The following SAMD3 variants were observed in gnomAD, a reference collection of about 807,000 sequenced individuals.
SAMD3 encodes the protein sterile alpha motif domain-containing protein 3.
Under a neutral mutation model 58.5 loss-of-function variants are expected in SAMD3, and 63 were observed. The ratio of observed to expected loss-of-function variants is 1.08; its 90% CI spans 0.88 to 1.33. SAMD3 has a LOEUF of 1.33. SAMD3 is among the 40% of genes most tolerant of loss of function. The pLI, the probability that SAMD3 is intolerant of heterozygous loss-of-function variation, is 0.00. For synonymous variants in SAMD3, 220 were observed against 210.3 expected, an observed-to-expected ratio of 1.05 and a Z score of -0.40; for missense variants, 604 against 608.4, an observed-to-expected ratio of 0.99 and a Z score of 0.08.
At chr6:130,283,813 T>C (rs766091884) in intron 2 of SAMD3, among the ~76,000 whole-genome samples, 1 of 152,106 alleles carries the variant, frequency 6.6e-6, no homozygotes, top group Non-Finnish European at 1.5e-5. Flanking sequence ...AAGAAACTAG[T>C]AAACATGTGG....
At chr6:130,220,265 G>C (rs1796165051) in intron 1 of SAMD3, among the ~76,000 whole-genome samples, 1 of 152,184 alleles carries the variant, frequency 6.6e-6, no homozygotes, top group African/African-American at 2.4e-5. Flanking sequence ...CCCCCAGAGT[G>C]CTGGGATTAC....
intron 2 of SAMD3, among the ~76,000 whole-genome samples, chr6:130,240,892 A>G (rs1355587790): frequency 6.6e-6 from 1 of 152,160 alleles, no homozygotes; most frequent in Non-Finnish European, 1.5e-5. Flanking sequence ...CGCAGTCTCA[A>G]GTATTCTATT....
chr6:130,163,060 G>A lies in SAMD3; in HGVS notation c.823-8035C>T, dbSNP rs141249295. Among the ~76,000 whole-genome samples the A allele has an allele frequency of 7.4e-3, 1,123 of 152,248 alleles. 19 individuals carry two copies. The highest frequency in any genetic ancestry group is 0.026 in the African/African-American group (1,090 of 41,546). Reference sequence around the variant, plus strand: ...CCCAAGTAGCTGGGACTACAGGCATGTGCCACTGAACCTGGCTTTTCTTTT... The same window carrying A: ...CCCAAGTAGCTGGGACTACAGGCATATGCCACTGAACCTGGCTTTTCTTTT... On this transcript the variant is annotated intron_variant, in intron 8 of 11. Coordinates refer to ENST00000439090, the MANE Select transcript of SAMD3 (RefSeq NM_001017373.4).
chr6:130,294,981 C>T (rs1275234077), intron 2 of SAMD3, among the ~76,000 whole-genome samples: 2 of 130,610 alleles, frequency 1.5e-5, no homozygotes, highest in Admixed American at 8.6e-5. Flanking sequence ...TGGAGTGCAA[C>T]GGCACGATCT....
At chr6:130,303,092 G>A (rs1174990726) in intron 2 of SAMD3, among the ~76,000 whole-genome samples, 1 of 152,102 alleles carries the variant, frequency 6.6e-6, no homozygotes, top group Admixed American at 6.5e-5. Flanking sequence ...ACATATTACT[G>A]TTCCTAGAGG....
At chr6:130,286,091 G>A (rs1775143356) in intron 2 of SAMD3, 1 of 152,158 alleles carries the variant, frequency 6.6e-6, no homozygotes, top group Admixed American at 6.5e-5. Flanking sequence ...GAAGAAATAG[G>A]TTTATGAACT....
At chr6:130,196,146 G>A (rs549783385) in intron 5 of SAMD3, among the ~76,000 whole-genome samples, 1 of 152,216 alleles carries the variant, frequency 6.6e-6, no homozygotes, top group Non-Finnish European at 1.5e-5. Flanking sequence ...TGACCTTACT[G>A]TTTTAGGCTG....
intron 8 of SAMD3, 101 bp from the exon 9 acceptor site, chr6:130,155,126 T>A: frequency 2.5e-6 from 2 of 799,488 alleles, no homozygotes; most frequent in East Asian, 2.5e-5. Context: ...AAGGTGAGTA[T>A]CACCATACCT....
chr6:130,327,041 T>G (rs1562524360), intron 1 of SAMD3, among the ~76,000 whole-genome samples: 1 of 152,238 alleles, frequency 6.6e-6, no homozygotes, highest in African/African-American at 2.4e-5. Context: ...CAGGAAAGCA[T>G]TTGTTTTAGC....
intron 5 of SAMD3, among the ~76,000 whole-genome samples, chr6:130,189,150 A>G (rs72618514): frequency 0.046 from 6,975 of 151,574 alleles, 195 homozygotes; most frequent in South Asian, 0.091. Flanking sequence ...CTCATTTTCT[A>G]GGAACTGAAT....
intron 2 of SAMD3, among the ~76,000 whole-genome samples, chr6:130,234,580 T>A (rs1376001430): frequency 6.6e-6 from 1 of 152,158 alleles, no homozygotes; most frequent in Non-Finnish European, 1.5e-5. Context: ...TCCCAGAAGT[T>A]ACATGTCCTG....
chr6:130,186,825 C>T (rs980950502), intron 5 of SAMD3, among the ~76,000 whole-genome samples: 4 of 132,324 alleles, frequency 3.0e-5, no homozygotes, highest in African/African-American at 1.2e-4. Context: ...GGCTGGAGTG[C>T]AGTGGTGCAA....
chr6:130,237,705 A>T (rs746020449), intron 2 of SAMD3, among the ~76,000 whole-genome samples: 6 of 152,182 alleles, frequency 3.9e-5, no homozygotes, highest in Non-Finnish European at 7.4e-5. Context: ...GGAGGTGAAT[A>T]CATTACCAAC....
intron 5 of SAMD3, among the ~76,000 whole-genome samples, chr6:130,205,208 T>C (rs1025528835): frequency 2.6e-5 from 4 of 151,434 alleles, no homozygotes; most frequent in South Asian, 2.1e-4. Context: ...TCTAAAAAAA[T>C]TGATGTTATT....
intron 2 of SAMD3, among the ~76,000 whole-genome samples, chr6:130,265,532 A>G (rs2114928805): frequency 6.6e-6 from 1 of 152,308 alleles, no homozygotes; most frequent in Non-Finnish European, 1.5e-5. Flanking sequence ...TCACTGAGGT[A>G]GGACAAAAAG....
At chr6:130,335,696 T>C (rs1213576414) in intron 1 of SAMD3, among the ~76,000 whole-genome samples, 1 of 152,196 alleles carries the variant, frequency 6.6e-6, no homozygotes. Flanking sequence ...ATCATGCTGC[T>C]ATAAAGACAC....
At chr6:130,260,919 G>A (rs1289397573) in intron 2 of SAMD3, among the ~76,000 whole-genome samples, 4 of 152,218 alleles carry the variant, frequency 2.6e-5, no homozygotes, top group African/African-American at 4.8e-5. Flanking sequence ...TTGAGTGGAA[G>A]TGTGGTCTGA....
chr6:130,205,294 ATT>A (rs1279067960), intron 5 of SAMD3, among the ~76,000 whole-genome samples: 5 of 121,178 alleles, frequency 4.1e-5, no homozygotes, highest in South Asian at 2.9e-4. Flanking sequence ...ATTTTATTAT[ATT>A]TTATTTTATT....
chr6:130,281,248 T>C (rs1774971193), intron 2 of SAMD3, among the ~76,000 whole-genome samples: 2 of 152,208 alleles, frequency 1.3e-5, no homozygotes. Flanking sequence ...TACTGGTTAG[T>C]GTGATTGAGC....
Sources: gnomAD v4.1 joint callset for allele counts (sites outside exome capture counted in the v4.1 genomes callset) on GRCh38, gnomAD v4.1.1 for gene constraint, MANE v1.5 for transcripts, NCBI Gene and HGNC (gene_info 2026-07-23, HGNC 2026-07-21) for gene names.